COPG2: variants seen among roughly 807,000 people sequenced by gnomAD.
COPG2 encodes coat protein complex I subunit gamma 2.
COPG2 carries 37 observed loss-of-function variants against 46.3 expected under a neutral mutation model. The ratio of observed to expected loss-of-function variants is 0.80; its 90% confidence interval spans 0.61 to 1.05. The LOEUF is 1.05. Ranked by LOEUF, COPG2 falls within the 50% of genes least tolerant of loss-of-function variation. COPG2 has a pLI of 0.00. For missense variants in COPG2, 427 were observed against 387.8 expected (o/e 1.10, Z -0.85); for synonymous variants, 159 against 129.7 (o/e 1.23, Z -1.53).
At chr7:130,534,971 G>T (rs983319475) in intron 20 of COPG2, among the ~76,000 whole-genome samples, 3 of 152,192 alleles carry the variant, frequency 2.0e-5, no homozygotes, top group African/African-American at 7.2e-5. Flanking sequence ...GAGTGGAAGA[G>T]GGGAAGGAAA....
At chr7:130,548,753 TA>T (rs1793485210) in intron 18 of COPG2, among the ~76,000 whole-genome samples, 1 of 151,832 alleles carries the variant, frequency 6.6e-6, no homozygotes, top group African/African-American at 2.4e-5. Context: ...CCGTCTCTAC[TA>T]AAAATACAAA....
At chr7:130,584,844 T>A (rs1441517075) in intron 9 of COPG2, among the ~76,000 whole-genome samples, 3 of 152,062 alleles carry the variant, frequency 2.0e-5, no homozygotes, top group Non-Finnish European at 2.9e-5. Flanking sequence ...CCCATGCTCA[T>A]GGATGGGTAG....
At chr7:130,617,447 A>T (rs1470197076) in intron 5 of COPG2, among the ~76,000 whole-genome samples, 2 of 152,240 alleles carry the variant, frequency 1.3e-5, no homozygotes, top group Non-Finnish European at 2.9e-5. Flanking sequence ...CAAATCCTAA[A>T]ATCCCATCAG....
chr7:130,610,838 T>G, intron 9 of COPG2, 115 bp downstream of exon 9: 1 of 995,702 alleles, frequency 1.0e-6, no homozygotes, highest in Non-Finnish European at 1.6e-6. Context: ...TGAAAAACAT[T>G]GAACTCATCT....
chr7:130,582,875 T>C (rs1378683671), intron 9 of COPG2, among the ~76,000 whole-genome samples: 59 of 151,962 alleles, frequency 3.9e-4, no homozygotes, highest in African/African-American at 1.3e-3. Flanking sequence ...TGTGGAGAAA[T>C]AGGAACACTT....
intron 5 of COPG2, chr7:130,645,145 G>C: frequency 2.0e-6 from 1 of 497,146 alleles, no homozygotes; most frequent in Admixed American, 2.6e-5. Flanking sequence ...GAAAATTAGT[G>C]TTCACAGTAA....
chr7:130,588,902 G>A (rs549673895), intron 9 of COPG2, among the ~76,000 whole-genome samples: 3 of 151,946 alleles, frequency 2.0e-5, no homozygotes, highest in Non-Finnish European at 2.9e-5. Flanking sequence ...ATGATAATTT[G>A]TTATTTATCT....
intron 9 of COPG2, among the ~76,000 whole-genome samples, chr7:130,574,807 CAAG>C (rs1261363147): frequency 6.6e-6 from 1 of 151,716 alleles, no homozygotes; most frequent in East Asian, 1.9e-4. Flanking sequence ...AAAAATGATA[CAAG>C]AAGTGAAGGG....
intron 5 of COPG2, among the ~76,000 whole-genome samples, chr7:130,617,995 G>A (rs1025109026): frequency 1.3e-5 from 2 of 149,298 alleles, no homozygotes; most frequent in Non-Finnish European, 3.0e-5. Context: ...CAGCTACTTG[G>A]GAGGTTGAGG....
chr7:130,564,763 T>C (rs1369443448), intron 9 of COPG2, among the ~76,000 whole-genome samples: 1 of 152,196 alleles, frequency 6.6e-6, no homozygotes, highest in Non-Finnish European at 1.5e-5. Flanking sequence ...TAACTGTGAA[T>C]GCCAGCAGCC....
chr7:130,604,022 A>G (rs1445253945), intron 9 of COPG2, among the ~76,000 whole-genome samples: 2 of 152,248 alleles, frequency 1.3e-5, no homozygotes, highest in Non-Finnish European at 2.9e-5. Flanking sequence ...AAGAGAAGAT[A>G]TAACTATTCA....
rs978126934 is a variant in COPG2, at chr7:130,567,894, A to G, written c.738-3501T>C. On this transcript the variant is annotated intron_variant, in intron 9 of 23. Coordinates refer to ENST00000425248, the MANE Select transcript of COPG2 (RefSeq NM_012133.6). ...AAAATCTCACAGGGCCTATAAAACA[A>G]TAACACAATGAAAAATAAAAAACAA... is the stretch of plus-strand genomic sequence containing the variant. Among the ~76,000 whole-genome samples the G allele has an allele frequency of 5.9e-5, 9 of 152,204 alleles. No individual in the cohort carries two copies. The East Asian group carries it at 1.5e-3, about 26-fold the overall frequency.
Position 130,593,330 on chromosome 7 carries a change from C to T in COPG2, c.737+17623G>A, listed in dbSNP as rs561718423. Among the ~76,000 whole-genome samples the T allele has an allele frequency of 2.0e-5, 3 of 152,322 alleles. No individual in the cohort carries two copies. The South Asian group carries it at 6.2e-4, about 32-fold the overall frequency. ...GAAAATAAGACTGGCCAGGTTGGAA[C>T]TCCTTGGTTGTTATTAATGGCCTTG... On this transcript the variant is annotated intron_variant, in intron 9 of 23. Coordinates refer to ENST00000425248, the MANE Select transcript of COPG2 (RefSeq NM_012133.6).
intron 20 of COPG2, among the ~76,000 whole-genome samples, chr7:130,535,585 G>A (rs974532715): frequency 3.2e-4 from 48 of 150,992 alleles, no homozygotes; most frequent in Middle Eastern, 3.4e-3. Flanking sequence ...TTGTTGCACA[G>A]GTGTGAATCT....
chr7:130,509,635 T>C (rs781936695), intron 20 of COPG2: 1 of 508,464 alleles, frequency 2.0e-6, no homozygotes, highest in Non-Finnish European at 3.9e-6. Context: ...TGTCAATACA[T>C]GTTGACATTA....
chr7:130,640,568 G>C (rs1165992080), intron 5 of COPG2, among the ~76,000 whole-genome samples: 1 of 152,066 alleles, frequency 6.6e-6, no homozygotes, highest in African/African-American at 2.4e-5. Context: ...CTAGGCTTTA[G>C]AGAAGGAAGT....
Position 130,639,140 on chromosome 7 carries a change from C to T in COPG2, c.323+13729G>A, listed in dbSNP as rs1162630957. On this transcript the variant is annotated intron_variant, in intron 5 of 23. Transcript: ENST00000425248. ...AATCACCCGCCTTCCACGTTGATCTCGCTGGGAGCTGGAGACCAGAGCTGT... is the reference window on the plus strand; with the variant it reads ...AATCACCCGCCTTCCACGTTGATCTTGCTGGGAGCTGGAGACCAGAGCTGT... 1.8e-4 allele frequency among the ~76,000 whole-genome samples: 27 copies of T among 152,208 alleles called. 1 individual carries two copies. Among genetic ancestry groups the T allele is most frequent in the Admixed American group, 1.6e-3 (24 of 15,286 alleles).
intron 20 of COPG2, chr7:130,546,964 TGAGAA>T (rs1459521642): frequency 1.3e-5 from 2 of 152,092 alleles, no homozygotes; most frequent in African/African-American, 2.4e-5. Flanking sequence ...GCACTGAACA[TGAGAA>T]GAGAAGAAAT....
intron 9 of COPG2, chr7:130,610,545 T>C (rs1554451880): frequency 3.8e-6 from 2 of 521,078 alleles, no homozygotes; most frequent in Admixed American, 1.9e-5. Context: ...CTAAAGTATA[T>C]TTGGTCACAT....
Sources: gnomAD v4.1 joint callset for allele counts (sites outside exome capture counted in the v4.1 genomes callset) on GRCh38, gnomAD v4.1.1 for gene constraint, MANE v1.5 for transcripts, NCBI Gene and HGNC (gene_info 2026-07-23, HGNC 2026-07-21) for gene names.